Variants in CFAP161 observed in about 807,000 individuals in gnomAD.
CFAP161 encodes the protein cilia- and flagella-associated protein 161.
CFAP161 carries 25 observed loss-of-function variants against 29.0 expected under a neutral mutation model. The ratio of observed to expected loss-of-function variants is 0.86; its 90% confidence interval spans 0.63 to 1.20. The LOEUF is 1.20. CFAP161 is among the 50% of genes most tolerant of loss of function. CFAP161 has a pLI of 0.00. For synonymous variants in CFAP161, 116 were observed against 137.4 expected (o/e 0.84, Z 1.09); for missense variants, 367 against 371.9 (o/e 0.99, Z 0.11).
chr15:81,123,038 T>A (rs192998089), intron 1 of CFAP161, among the ~76,000 whole-genome samples: 14 of 152,350 alleles, frequency 9.2e-5, no homozygotes, highest in African/African-American at 3.4e-4. Context: ...AGCTTTTTAG[T>A]GTAATTAGAT....
chr15:81,113,582 C>T (rs1030301879), intron 1 of CFAP161, among the ~76,000 whole-genome samples: 2 of 152,118 alleles, frequency 1.3e-5, no homozygotes, highest in African/African-American at 4.8e-5. Flanking sequence ...AAGTACTCTG[C>T]GTTTACTGAT....
chr15:81,100,180 A>G (rs1479664712), intron 1 of CFAP161, among the ~76,000 whole-genome samples: 1 of 143,380 alleles, frequency 7.0e-6, no homozygotes, highest in African/African-American at 2.4e-5. Flanking sequence ...GCTCGTTACC[A>G]TACTGATGTA....
intron 3 of CFAP161, among the ~76,000 whole-genome samples, chr15:81,137,289 G>C (rs1259066325): frequency 6.6e-6 from 1 of 152,146 alleles, no homozygotes; most frequent in Non-Finnish European, 1.5e-5. Context: ...AGCAATGTAA[G>C]CATTGCAAGA....
At chr15:81,133,216 TATATA>T (rs1484167739), upstream of CFAP161, among the ~76,000 whole-genome samples, 22 of 36,670 alleles carry the variant, frequency 6.0e-4, no homozygotes, top group African/African-American at 1.8e-3. Context: ...TATATATATA[TATATA>T]TATGTATTTT....
chr15:81,105,095 TC>T (rs1567149805), intron 1 of CFAP161, among the ~76,000 whole-genome samples: 1 of 62,566 alleles, frequency 1.6e-5, no homozygotes, highest in Non-Finnish European at 3.3e-5. Context: ...TTCTTTTCCC[TC>T]CCTCCCTCCC....
intron 5 of CFAP161, among the ~76,000 whole-genome samples, chr15:81,146,381 C>T (rs1463985034): frequency 1.3e-5 from 2 of 152,074 alleles, no homozygotes; most frequent in Non-Finnish European, 2.9e-5. Context: ...ACCAGTAGTT[C>T]CATTTCCAGA....
chr15:81,100,371 TGGA>T (rs1894289300), intron 1 of CFAP161, among the ~76,000 whole-genome samples: 1 of 152,016 alleles, frequency 6.6e-6, no homozygotes, highest in Non-Finnish European at 1.5e-5. Flanking sequence ...AGTATTTTTA[TGGA>T]AAGGTACGGC....
intron 1 of CFAP161, among the ~76,000 whole-genome samples, chr15:81,120,464 T>C (rs1016357858): frequency 2.0e-5 from 3 of 152,102 alleles, no homozygotes; most frequent in Non-Finnish European, 4.4e-5. Flanking sequence ...GAGCTAAAAC[T>C]GAAAAAAATG....
intron 1 of CFAP161, among the ~76,000 whole-genome samples, chr15:81,120,439 C>T (rs1000245362): frequency 6.6e-6 from 1 of 152,190 alleles, no homozygotes; most frequent in African/African-American, 2.4e-5. Context: ...ATGTCAGCAT[C>T]AGGTCATAAC....
chr15:81,112,797 T>C (rs1894454201), intron 1 of CFAP161, among the ~76,000 whole-genome samples: 1 of 152,142 alleles, frequency 6.6e-6, no homozygotes, highest in African/African-American at 2.4e-5. Flanking sequence ...ACATAAATCA[T>C]AAAAAAGAAA....
At chr15:81,105,320 T>TCCTTTCCTTCTTCTTTTCTTC (rs1419272084) in intron 1 of CFAP161, among the ~76,000 whole-genome samples, 2 of 136,924 alleles carry the variant, frequency 1.5e-5, no homozygotes, top group African/African-American at 5.5e-5. Flanking sequence ...TTCCTTTCTT[T>TCCTTTCCTTCTTCTTTTCTTC]CCTTTCCTTC....
At position 81,142,643 on chromosome 15, in the gene CFAP161, G is replaced by A. The variant is rs1227823918; in HGVS notation, c.478-1019G>A. Among the ~76,000 whole-genome samples the A allele has an allele frequency of 3.9e-5, 6 of 152,312 alleles. No individual in the cohort carries two copies. The East Asian group carries it at 1.2e-3, about 29-fold the overall frequency. On this transcript the variant is annotated intron_variant, in intron 4 of 6. Transcript: ENST00000286732. Reference sequence around the variant, plus strand: ...TGCTCAATCACCTCTTCTGCTAGGTGGAGAACCTCATGAGGATAGTAACTC... The same window carrying A: ...TGCTCAATCACCTCTTCTGCTAGGTAGAGAACCTCATGAGGATAGTAACTC...
intron 2 of CFAP161, 73 bp from the exon 3 acceptor site, chr15:81,136,443 G>A (rs746795081): frequency 3.3e-5 from 45 of 1,371,412 alleles, no homozygotes; most frequent in Non-Finnish European, 4.2e-5. Context: ...GTCCGAGAAG[G>A]AAGAAAATTG....
intron 5 of CFAP161, 95 bp from the exon 6 acceptor site, chr15:81,147,763 A>G: frequency 1.4e-6 from 1 of 723,238 alleles, no homozygotes; most frequent in Non-Finnish European, 2.2e-6. Flanking sequence ...AATGTATAGT[A>G]TAATCCCAAA....
chr15:81,140,159 C>T (rs2141881802), intron 4 of CFAP161, among the ~76,000 whole-genome samples: 1 of 152,000 alleles, frequency 6.6e-6, no homozygotes, highest in Admixed American at 6.5e-5. Flanking sequence ...ATATGTGTTG[C>T]TAATATTTCC....
Position 81,143,667 on chromosome 15 carries a change from T to C in CFAP161, c.483T>C (p.Tyr161=). ...CTGCTTGCTGTCATTTTCAGTTGTA[T>C]TTGTCAAGTGACCACAGGACCCTCC... ...ITGGFDNKML[Y]LSSDHRTLLK... is the part of the protein sequence containing the mutation. The change falls in exon 5 of 7, where the codon TAT becomes TAC. Residue 161 remains tyrosine (Y), a synonymous_variant. Transcript: ENST00000286732. 7 of 1,611,114 alleles carry C rather than the reference T, an allele frequency of 4.3e-6. No homozygotes were observed. Among genetic ancestry groups the C allele is most frequent in the Non-Finnish European group, 5.9e-6 (7 of 1,177,946 alleles).
At chr15:81,121,981 C>T (rs753547819) in intron 1 of CFAP161, among the ~76,000 whole-genome samples, 23 of 152,188 alleles carry the variant, frequency 1.5e-4, no homozygotes, top group Non-Finnish European at 2.2e-4. Flanking sequence ...GTTTTCTGTT[C>T]CTGCATTAGT....
At chr15:81,133,445 T>C (rs1894751418), upstream of CFAP161, among the ~76,000 whole-genome samples, 1 of 152,082 alleles carries the variant, frequency 6.6e-6, no homozygotes, top group Admixed American at 6.5e-5. Context: ...CTGGGTTTGC[T>C]GAAGGGAGCG....
intron 4 of CFAP161, among the ~76,000 whole-genome samples, chr15:81,139,008 C>G (rs778595110): frequency 6.6e-6 from 1 of 152,052 alleles, no homozygotes; most frequent in Non-Finnish European, 1.5e-5. Context: ...ACTAAGAAAA[C>G]ACAATGCTGC....
Sources: gnomAD v4.1 joint callset for allele counts (sites outside exome capture counted in the v4.1 genomes callset) on GRCh38, gnomAD v4.1.1 for gene constraint, MANE v1.5 for transcripts, NCBI Gene and HGNC (gene_info 2026-07-23, HGNC 2026-07-21) for gene names.